The following TSEN2 variants were observed in gnomAD, a reference collection of about 807,000 sequenced individuals.
TSEN2 encodes the protein tRNA splicing endonuclease subunit 2.
In TSEN2, 54 loss-of-function variants were observed where a neutral mutation model predicts 59.2. The observed-to-expected ratio is 0.91, with a 90% CI of 0.73 to 1.14. TSEN2 has a LOEUF of 1.14. Ranked by LOEUF, TSEN2 falls within the 50% of genes most tolerant of loss-of-function variation. The probability of loss-of-function intolerance (pLI) is 0.00; values close to 1 mark genes in which losing one functional copy is unlikely to be tolerated. For missense variants in TSEN2, 636 were observed against 576.2 expected, an observed-to-expected ratio of 1.10 and a Z score of -1.06; for synonymous variants, 195 against 198.2, an observed-to-expected ratio of 0.98 and a Z score of 0.14.
At chr3:12,508,903 C>T (rs1429266778) in intron 6 of TSEN2, among the ~76,000 whole-genome samples, 3 of 152,062 alleles carry the variant, frequency 2.0e-5, no homozygotes, top group Admixed American at 6.6e-5. Context: ...CTCTGTTGCC[C>T]AGGCTGGAGT....
chr3:12,528,197 C>T (rs1038143482), intron 8 of TSEN2, among the ~76,000 whole-genome samples: 2 of 152,166 alleles, frequency 1.3e-5, no homozygotes, highest in Non-Finnish European at 2.9e-5. Context: ...CTTTGCATTA[C>T]GTTGATCTGA....
chr3:12,522,432 C>T (rs1202342001), intron 8 of TSEN2, among the ~76,000 whole-genome samples: 3 of 152,186 alleles, frequency 2.0e-5, no homozygotes, highest in African/African-American at 7.2e-5. Flanking sequence ...CAGAGTCAGA[C>T]TGGGCCAGCA....
chr3:12,510,730 C>T (rs987954648), intron 6 of TSEN2, among the ~76,000 whole-genome samples: 1 of 152,132 alleles, frequency 6.6e-6, no homozygotes, highest in Non-Finnish European at 1.5e-5. Flanking sequence ...AGATTCTTCC[C>T]TAGAATTTTG....
At chr3:12,511,066 T>G (rs529237199) in intron 6 of TSEN2, 2 of 152,322 alleles carry the variant, frequency 1.3e-5, no homozygotes, top group Admixed American at 6.5e-5. Context: ...ACTGCAGTTT[T>G]GCCATTTGTT....
intron 5 of TSEN2, 124 bp from the exon 6 acceptor site, chr3:12,505,030 A>G: frequency 1.4e-6 from 1 of 709,042 alleles, no homozygotes; most frequent in Non-Finnish European, 2.5e-6. Flanking sequence ...CATTCTTTAT[A>G]ATATTAACAC....
At chr3:12,492,278 C>T in intron 3 of TSEN2, 61 bp downstream of exon 3, 1 of 1,436,372 alleles carries the variant, frequency 7.0e-7, no homozygotes, top group Non-Finnish European at 9.8e-7. Flanking sequence ...TGTTTTTGAT[C>T]TTATATCTCA....
chr3:12,489,774 C>T lies in TSEN2; in HGVS notation c.-17-10C>T. ...TCTGTTTCTTTCTGTTTGTTGTCTA[C>T]TCTTTAAAGAATACCTCCTCTGAAA... On this transcript the variant is annotated splice_polypyrimidine_tract_variant and intron_variant, in intron 1 of 11. Coordinates refer to ENST00000284995, the MANE Select transcript of TSEN2 (RefSeq NM_025265.4). 1 of 1,608,006 alleles carries T rather than the reference C, an allele frequency of 6.2e-7. No individual in the cohort carries two copies.
In TSEN2 at chr3:12,519,141, A is replaced by G; in HGVS notation, c.1043A>G (p.Tyr348Cys). ...AGAACCACCTACATGGCCTACCATT[A>G]CTTTCGAAGCAAGGGCTGGGTGCCC... ...TFRTTYMAYH[Y>C]FRSKGWVPKV... The change falls in exon 8 of 12, where the codon TAC becomes TGC. Residue 348 changes from tyrosine (Y) to cysteine (C), a missense_variant. Transcript: ENST00000284995. 2.5e-6 allele frequency: 4 copies of G among 1,614,230 alleles called. No individual in the cohort carries two copies. In the South Asian group the frequency reaches 4.4e-5, roughly 18 times the overall value.
intron 1 of TSEN2, among the ~76,000 whole-genome samples, chr3:12,486,150 G>C (rs2052591178): frequency 6.6e-6 from 1 of 152,116 alleles, no homozygotes; most frequent in Non-Finnish European, 1.5e-5. Context: ...GATGACTATA[G>C]TACCCACATG....
At chr3:12,501,045 A>G (rs1234397201) in intron 4 of TSEN2, among the ~76,000 whole-genome samples, 1 of 152,200 alleles carries the variant, frequency 6.6e-6, no homozygotes. Context: ...AAATAAAGGA[A>G]ATTTATAGAC....
intron 8 of TSEN2, among the ~76,000 whole-genome samples, chr3:12,521,975 C>T (rs2056680579): frequency 6.6e-6 from 1 of 152,092 alleles, no homozygotes; most frequent in African/African-American, 2.4e-5. Context: ...CGCTACTGCA[C>T]TCCAGCCTAG....
chr3:12,502,970 C>T (rs981376821), intron 4 of TSEN2, among the ~76,000 whole-genome samples: 1 of 151,938 alleles, frequency 6.6e-6, no homozygotes, highest in Non-Finnish European at 1.5e-5. Context: ...TACTTGGAGG[C>T]TGAGGCACAA....
chr3:12,480,249 C>T (rs555978812), upstream of TSEN2, among the ~76,000 whole-genome samples: 26 of 152,156 alleles, frequency 1.7e-4, no homozygotes, highest in Admixed American at 1.6e-3. Flanking sequence ...CCTCCTGCCC[C>T]GGCCAGGCCC....
intron 4 of TSEN2, among the ~76,000 whole-genome samples, chr3:12,500,882 C>T (rs1243265710): frequency 1.3e-5 from 2 of 152,298 alleles, no homozygotes; most frequent in East Asian, 1.9e-4. Context: ...GCAGTGCCCT[C>T]TGTGTGCTCA....
At position 12,503,536 on chromosome 3, in the gene TSEN2, G is replaced by C; in HGVS notation, c.583G>C (p.Glu195Gln). 1 of 1,612,578 alleles carries C rather than the reference G, an allele frequency of 6.2e-7. No individual in the cohort carries two copies. The highest frequency in any genetic ancestry group is 8.5e-7 in the Non-Finnish European group (1 of 1,178,658). The change falls in exon 5 of 12, where the codon GAG (glutamate) becomes CAG (glutamine). Residue 195 changes from glutamate to glutamine, a missense_variant. Glu to Gln is a conservative substitution (Grantham distance 29). Coordinates refer to ENST00000284995, the MANE Select transcript of TSEN2 (RefSeq NM_025265.4). Reference protein sequence around the residue: ...DPREPLGCLQEGSGCHPTTES... With the variant: ...DPREPLGCLQQGSGCHPTTES... ...CCGTGAGCCATTAGGCTGCCTGCAG[G>C]AGGGCTCTGGCTGCCACCCAACAAC...
At chr3:12,502,676 T>A (rs928073291) in intron 4 of TSEN2, among the ~76,000 whole-genome samples, 3 of 148,128 alleles carry the variant, frequency 2.0e-5, no homozygotes, top group African/African-American at 7.6e-5. Flanking sequence ...TAGTTTTTTT[T>A]GTTTTTTTTT....
At chr3:12,515,694 A>G (rs1038460237) in intron 6 of TSEN2, among the ~76,000 whole-genome samples, 1 of 152,184 alleles carries the variant, frequency 6.6e-6, no homozygotes, top group South Asian at 2.1e-4. Context: ...GTGTGACTAT[A>G]TTCAACTGGA....
intron 10 of TSEN2, 144 bp from the exon 11 acceptor site, chr3:12,531,426 C>T (rs1297789627): frequency 4.8e-6 from 3 of 630,910 alleles, no homozygotes; most frequent in Non-Finnish European, 5.7e-6. Context: ...ATGGTTTCCC[C>T]AGGAGGAAAC....
chr3:12,485,215 T>A (rs1479098338), intron 1 of TSEN2, among the ~76,000 whole-genome samples: 1 of 151,932 alleles, frequency 6.6e-6, no homozygotes, highest in Non-Finnish European at 1.5e-5. Flanking sequence ...GGTAGGAGGT[T>A]TTTTAACCAG....
Sources: allele counts gnomAD v4.1 joint callset (sites outside exome capture counted in the v4.1 genomes callset), GRCh38; gene constraint gnomAD v4.1.1; transcripts MANE v1.5; gene names NCBI Gene and HGNC (gene_info 2026-07-23, HGNC 2026-07-21).